Variants in CCDC3 observed in about 807,000 individuals in gnomAD.
The protein encoded by CCDC3 is coiled-coil domain-containing protein 3.
A neutral mutation model predicts 21.4 loss-of-function variants in CCDC3; 24 were observed. That is an observed-to-expected ratio of 1.12 (90% CI 0.81 to 1.58). The LOEUF (loss-of-function observed/expected upper bound fraction) is 1.58. CCDC3 is among the 40% of genes most tolerant of loss of function. The pLI is 0.00. For synonymous variants in CCDC3, 186 were observed against 166.0 expected, an observed-to-expected ratio of 1.12 and a Z score of -0.93; for missense variants, 425 against 360.9, an observed-to-expected ratio of 1.18 and a Z score of -1.44.
rs767395696 is a variant in CCDC3 at position 12,898,592 on chromosome 10, G to A, written c.637C>T (p.Arg213Cys). The A allele has an allele frequency of 4.7e-5, 76 of 1,614,084 alleles. 2 individuals carry two copies. In the South Asian group the frequency reaches 5.9e-4, roughly 13 times the overall value. ...LQQKVATLEK[R>C]NRQLRERVKK... ...ACTCGCTCCCGGAGCTGCCGGTTGC[G>A]CTTCTCCAGGGTGGCCACTTTCTGC... is the stretch of plus-strand genomic sequence containing the variant. The change falls in exon 3 of 3, where the codon CGC (arginine) becomes TGC (cysteine). Residue 213 changes from arginine to cysteine, a missense_variant. By Grantham distance (180) the Arg-to-Cys change is radical. Coordinates refer to ENST00000378825, the MANE Select transcript of CCDC3 (RefSeq NM_031455.4).
At chr10:13,047,802 A>C (rs1360105821) in intron 5 of CCDC3, among the ~76,000 whole-genome samples, 2 of 152,208 alleles carry the variant, frequency 1.3e-5, no homozygotes, top group Non-Finnish European at 2.9e-5. Context: ...ACCAAAAAGC[A>C]TCTGAGACAG....
At chr10:13,086,216 TC>T (rs773349393) in intron 3 of CCDC3, among the ~76,000 whole-genome samples, 548 of 152,182 alleles carry the variant, frequency 3.6e-3, no homozygotes, top group Non-Finnish European at 6.6e-3. Context: ...GGATTTATAA[TC>T]AAGTAGCTTT....
Position 13,014,307 on chromosome 10 carries a change from A to G in CCDC3, c.-1-15795T>C, listed in dbSNP as rs183677263. Among the ~76,000 whole-genome samples, 854 of 150,674 alleles carry G rather than the reference A, an allele frequency of 5.7e-3. 7 individuals carry two copies. Among genetic ancestry groups the G allele is most frequent in the Non-Finnish European group, 9.8e-3 (660 of 67,340 alleles). ...CTACTAAAAATACAAAAAATTAGCC[A>G]GGCGTGGTGGCAGGCACCTGTAATC... On this transcript the variant is annotated intron_variant, in intron 5 of 6. Transcript: ENST00000378839.
intron 2 of CCDC3, among the ~76,000 whole-genome samples, chr10:12,991,501 A>G (rs1215791850): frequency 6.6e-6 from 1 of 152,022 alleles, no homozygotes; most frequent in African/African-American, 2.4e-5. Context: ...TTGTGTGTTT[A>G]GTAGAGACGG....
intron 2 of CCDC3, among the ~76,000 whole-genome samples, chr10:12,921,055 G>A (rs1388549372): frequency 6.6e-6 from 1 of 152,154 alleles, no homozygotes; most frequent in Non-Finnish European, 1.5e-5. Flanking sequence ...CAAGAAAAAT[G>A]CAGGCAAGCT....
At chr10:13,004,818 T>G (rs1435731500), upstream of CCDC3, among the ~76,000 whole-genome samples, 1 of 151,944 alleles carries the variant, frequency 6.6e-6, no homozygotes, top group East Asian at 1.9e-4. Flanking sequence ...GAGTAAGCAG[T>G]AGAGTGGCCA....
chr10:13,084,579 G>A (rs568192206), intron 3 of CCDC3, among the ~76,000 whole-genome samples: 7 of 152,092 alleles, frequency 4.6e-5, no homozygotes, highest in South Asian at 2.1e-4. Flanking sequence ...GAGCCACCGC[G>A]CCCGGCCCCA....
Position 13,001,247 on chromosome 10 carries a change from C to T in CCDC3, c.324G>A (p.Ser108=), listed in dbSNP as rs751613873. The T allele has an allele frequency of 1.3e-6, 2 of 1,588,376 alleles. No homozygotes were observed. The highest frequency in any genetic ancestry group is 8.6e-7 in the Non-Finnish European group (1 of 1,168,330). The change falls in exon 1 of 3, where the codon TCG becomes TCA. Residue 108 remains serine (S), a synonymous_variant. Coordinates refer to ENST00000378825, the MANE Select transcript of CCDC3 (RefSeq NM_031455.4). ...RLNLTGLGYF[S]CHSHTVVQDY... is the part of the protein sequence containing the mutation. ...CCTGGACCACGGTGTGGGAGTGGCACGAGAAGTAGCCCAGGCCGGTGAGGT... is the reference window on the plus strand; with the variant it reads ...CCTGGACCACGGTGTGGGAGTGGCATGAGAAGTAGCCCAGGCCGGTGAGGT...
intron 2 of CCDC3, among the ~76,000 whole-genome samples, chr10:12,919,069 A>C (rs963043054): frequency 2.0e-5 from 3 of 152,002 alleles, no homozygotes; most frequent in Non-Finnish European, 4.4e-5. Flanking sequence ...AAACAAAACA[A>C]AACAAAAAAG....
chr10:12,902,833 C>G (rs977127576), intron 2 of CCDC3, among the ~76,000 whole-genome samples: 2 of 151,750 alleles, frequency 1.3e-5, no homozygotes, highest in Non-Finnish European at 2.9e-5. Context: ...AGACTTAGAG[C>G]CCAGACAAAA....
chr10:12,908,301 G>A (rs1277620010), intron 2 of CCDC3, among the ~76,000 whole-genome samples: 1 of 152,192 alleles, frequency 6.6e-6, no homozygotes, highest in African/African-American at 2.4e-5. Context: ...AGTATCAGCT[G>A]TGCACATTGG....
chr10:12,948,586 C>T (rs568892392), intron 2 of CCDC3, among the ~76,000 whole-genome samples: 14 of 152,188 alleles, frequency 9.2e-5, no homozygotes, highest in African/African-American at 3.4e-4. Flanking sequence ...CTTTCTTCAA[C>T]TCTAATGTGA....
intron 2 of CCDC3, among the ~76,000 whole-genome samples, chr10:12,943,689 C>G (rs1423572566): frequency 2.0e-5 from 3 of 152,156 alleles, no homozygotes; most frequent in African/African-American, 7.2e-5. Flanking sequence ...AATGGCACAC[C>G]TGGTCTGACC....
intron 2 of CCDC3, among the ~76,000 whole-genome samples, chr10:12,915,355 T>G (rs1035944833): frequency 2.6e-5 from 4 of 152,214 alleles, no homozygotes; most frequent in Non-Finnish European, 5.9e-5. Context: ...TCATTAAATG[T>G]CTTGTTTGGG....
Position 12,898,423 on chromosome 10 carries a change from C to T in CCDC3, c.806G>A (p.Arg269Gln), listed in dbSNP as rs749134294. 1.7e-5 allele frequency: 27 copies of T among 1,599,570 alleles called. No individual in the cohort carries two copies. Among genetic ancestry groups the T allele is most frequent in the Admixed American group, 8.5e-5 (5 of 58,656 alleles). The part of the protein sequence containing the change: ...ARGPVRPPYL[R>Q]G The stretch of plus-strand genomic sequence containing the variant: ...TGGCAGCCCCCAGGCCCGTTACCCC[C>T]GCAGGTAGGGGGGGCGCACGGGCCC... Residue 269 changes from arginine (R) to glutamine (Q), a missense_variant, in exon 3 of 3, where the codon CGG becomes CAG. Coordinates refer to ENST00000378825, the MANE Select transcript of CCDC3 (RefSeq NM_031455.4).
At chr10:12,943,897 T>G (rs974396513) in intron 2 of CCDC3, among the ~76,000 whole-genome samples, 4 of 152,154 alleles carry the variant, frequency 2.6e-5, no homozygotes, top group African/African-American at 9.7e-5. Flanking sequence ...TTCCTTGGCA[T>G]GAGATGACGA....
chr10:13,040,933 T>G (rs546912472), intron 5 of CCDC3, among the ~76,000 whole-genome samples: 1 of 152,320 alleles, frequency 6.6e-6, no homozygotes, highest in South Asian at 2.1e-4. Context: ...ATAGATTTAC[T>G]CTTTTAAGAC....
chr10:12,960,625 G>A (rs985499082), intron 2 of CCDC3, among the ~76,000 whole-genome samples: 7 of 152,174 alleles, frequency 4.6e-5, no homozygotes, highest in African/African-American at 1.7e-4. Context: ...GACAAATTAC[G>A]CAGAAACAAA....
chr10:13,078,884 A>T (rs1836998574), intron 3 of CCDC3, among the ~76,000 whole-genome samples: 1 of 152,080 alleles, frequency 6.6e-6, no homozygotes, highest in African/African-American at 2.4e-5. Context: ...GTGGGGAGGG[A>T]TAGCATTAGG....
Sources: gnomAD v4.1 joint callset for allele counts (sites outside exome capture counted in the v4.1 genomes callset) on GRCh38, gnomAD v4.1.1 for gene constraint, MANE v1.5 for transcripts, NCBI Gene and HGNC (gene_info 2026-07-23, HGNC 2026-07-21) for gene names.